DLGAP2: variants seen among roughly 807,000 people sequenced by gnomAD.
The protein encoded by DLGAP2 is disks large-associated protein 2.
A neutral mutation model predicts 100.3 loss-of-function variants in DLGAP2; 26 were observed. The observed-to-expected ratio is 0.26, with a 90% CI of 0.19 to 0.36. The LOEUF (loss-of-function observed/expected upper bound fraction) is 0.36, where lower values mean the gene tolerates loss of function less well. Among genes scored for constraint, DLGAP2 ranks in the 10% least tolerant of loss-of-function variants. The probability of loss-of-function intolerance (pLI) is 1.00; values close to 1 mark genes in which losing one functional copy is unlikely to be tolerated. For synonymous variants in DLGAP2, 886 were observed against 630.1 expected (o/e 1.41, Z -6.08); for missense variants, 1,858 against 1,453.2 (o/e 1.28, Z -4.53).
intron 2 of DLGAP2, chr8:1,002,717 G>A (rs1044395921): frequency 6.6e-6 from 1 of 152,282 alleles, no homozygotes; most frequent in Non-Finnish European, 1.5e-5. Context: ...AAACCAAACT[G>A]AAACTGAGAA....
At chr8:1,449,065 C>G (rs553611254) in intron 3 of DLGAP2, among the ~76,000 whole-genome samples, 2 of 152,256 alleles carry the variant, frequency 1.3e-5, no homozygotes, top group South Asian at 4.2e-4. Flanking sequence ...CCCGGCCCCC[C>G]AGAGCAGCTC....
chr8:1,228,313 TAATC>T (rs1399915982), intron 2 of DLGAP2, among the ~76,000 whole-genome samples: 17 of 152,208 alleles, frequency 1.1e-4, no homozygotes, highest in Non-Finnish European at 1.2e-4. Flanking sequence ...ATTGAATTAA[TAATC>T]AAGCTAACTA....
chr8:744,385 G>A (rs1056981020), intron 1 of DLGAP2, among the ~76,000 whole-genome samples: 1 of 152,170 alleles, frequency 6.6e-6, no homozygotes, highest in African/African-American at 2.4e-5. Flanking sequence ...CCCTGGCCCT[G>A]GGTCGCATCT....
chr8:1,245,049 T>G (rs1056786281), intron 2 of DLGAP2, among the ~76,000 whole-genome samples: 1 of 152,160 alleles, frequency 6.6e-6, no homozygotes, highest in Non-Finnish European at 1.5e-5. Flanking sequence ...TGAGACACCA[T>G]TGCCCACGTG....
intron 1 of DLGAP2, among the ~76,000 whole-genome samples, chr8:819,607 G>A (rs1796548065): frequency 1.3e-5 from 2 of 152,202 alleles, no homozygotes; most frequent in South Asian, 2.1e-4. Context: ...CGTTGGGCAT[G>A]GAGAACAAAT....
At chr8:1,255,516 GTCATCTCCTGCCTGGGAGCTGTGTGTC>G in intron 2 of DLGAP2, among the ~76,000 whole-genome samples, 1 of 121,986 alleles carries the variant, frequency 8.2e-6, no homozygotes, top group Admixed American at 8.2e-5. Context: ...CTGTGTGTGT[GTCATCTCCTGCCTGGGAGCTGTGTGTC>G]TGTCCTCTCC....
chr8:770,287 A>G (rs1041607028), intron 1 of DLGAP2, among the ~76,000 whole-genome samples: 2 of 151,990 alleles, frequency 1.3e-5, no homozygotes, highest in Admixed American at 6.6e-5. Flanking sequence ...CAGAGGGAGG[A>G]TGGAGGTGTG....
At chr8:1,413,151 G>A (rs780428296) in intron 3 of DLGAP2, among the ~76,000 whole-genome samples, 1 of 152,096 alleles carries the variant, frequency 6.6e-6, no homozygotes, top group Non-Finnish European at 1.5e-5. Flanking sequence ...GTTTTCTACT[G>A]GACAGTGGCT....
chr8:1,437,738 C>T (rs559950611), intron 3 of DLGAP2, among the ~76,000 whole-genome samples: 11 of 143,296 alleles, frequency 7.7e-5, no homozygotes, highest in Admixed American at 3.8e-4. Context: ...GAGGCGAAGG[C>T]AGGTGGATCA....
chr8:818,012 C>T (rs1466306452), intron 1 of DLGAP2, among the ~76,000 whole-genome samples: 2 of 152,092 alleles, frequency 1.3e-5, no homozygotes, highest in African/African-American at 2.4e-5. Flanking sequence ...TAGGGTGTAC[C>T]TGGTTAAATA....
In DLGAP2 at chr8:1,565,758, G is replaced by A; in HGVS notation, c.1306G>A (p.Gly436Arg). The A allele has an allele frequency of 6.2e-7, 1 of 1,613,846 alleles. No individual in the cohort carries two copies. Among genetic ancestry groups the A allele is most frequent in the Non-Finnish European group, 8.5e-7 (1 of 1,179,832 alleles). The change falls in exon 6 of 15, where the codon GGG (glycine) becomes AGG (arginine). Residue 436 changes from glycine to arginine, a missense_variant. Transcript: ENST00000637795. ...GATTCCCTGCAGGAGAATGAGAAGT[G>A]GGAGTTACATTAAAGCCATGGGGGA... ...EEIPCRRMRS[G>R]SYIKAMGDEE...
At chr8:1,237,458 C>T (rs1347761832) in intron 2 of DLGAP2, among the ~76,000 whole-genome samples, 6 of 112,930 alleles carry the variant, frequency 5.3e-5, no homozygotes, top group Admixed American at 4.7e-4. Flanking sequence ...TGTCTAGTTA[C>T]CTCTCACATG....
At chr8:1,493,790 G>A (rs1452150118) in intron 3 of DLGAP2, among the ~76,000 whole-genome samples, 1 of 152,258 alleles carries the variant, frequency 6.6e-6, no homozygotes, top group African/African-American at 2.4e-5. Flanking sequence ...CGGTGGGCAC[G>A]TCAGGGGTAG....
chr8:1,312,510 C>T (rs7835488), intron 3 of DLGAP2, among the ~76,000 whole-genome samples: 71,869 of 151,994 alleles, frequency 0.47, 17,635 homozygotes, highest in African/African-American at 0.59. Flanking sequence ...GAGACAAGAA[C>T]AGATTCAGGG....
intron 1 of DLGAP2, among the ~76,000 whole-genome samples, chr8:871,802 C>T (rs1797603308): frequency 6.6e-6 from 1 of 152,160 alleles, no homozygotes; most frequent in South Asian, 2.1e-4. Context: ...GAAACTGACC[C>T]TCTGTTAAGG....
chr8:1,040,662 T>C (rs1161600862), intron 2 of DLGAP2, among the ~76,000 whole-genome samples: 39 of 113,256 alleles, frequency 3.4e-4, no homozygotes, highest in Non-Finnish European at 5.4e-4. Flanking sequence ...GTGGTCGGCT[T>C]GGTGTGTGTG....
chr8:1,238,027 C>T (rs1318571296), intron 2 of DLGAP2, among the ~76,000 whole-genome samples: 1 of 7,822 alleles, frequency 1.3e-4, no homozygotes, highest in Non-Finnish European at 2.7e-4. Flanking sequence ...TCTCACATGG[C>T]GCCGTGTCTA....
In DLGAP2 at chr8:1,270,704, C is replaced by CTG. The variant is rs5888826; in HGVS notation, c.106+11837_106+11838dup. Among the ~76,000 whole-genome samples the CTG allele has an allele frequency of 1.2e-4, 18 of 150,644 alleles. 1 individual carries two copies. The East Asian group carries it at 1.6e-3, about 13-fold the overall frequency. Reference sequence around the variant, plus strand: ...TCTATTTATGTCTCTGTGTGTGTCTCTGTGTGTGTGTGTGTGTCTCCCTCT... The same window carrying CTG: ...TCTATTTATGTCTCTGTGTGTGTCTCTGTGTGTGTGTGTGTGTGTCTCCCTCT... On this transcript the variant is annotated intron_variant, in intron 3 of 14. Coordinates refer to ENST00000637795, the MANE Select transcript of DLGAP2 (RefSeq NM_001346810.2).
At chr8:828,980 C>G (rs1421346297) in intron 1 of DLGAP2, among the ~76,000 whole-genome samples, 3 of 152,108 alleles carry the variant, frequency 2.0e-5, no homozygotes, top group African/African-American at 7.2e-5. Flanking sequence ...TAATGAATCA[C>G]TGGCTTTTAG....
Sources: allele counts gnomAD v4.1 joint callset (sites outside exome capture counted in the v4.1 genomes callset), GRCh38; gene constraint gnomAD v4.1.1; transcripts MANE v1.5; gene names NCBI Gene and HGNC (gene_info 2026-07-23, HGNC 2026-07-21).